KITLG: variants seen among roughly 807,000 people sequenced by gnomAD.
KITLG encodes KIT ligand.
In KITLG, 13 loss-of-function variants were observed where a neutral mutation model predicts 34.1. The observed-to-expected ratio is 0.38, with a 90% confidence interval of 0.25 to 0.61. The LOEUF (loss-of-function observed/expected upper bound fraction) is 0.61, where lower values mean the gene tolerates loss of function less well. KITLG is among the 20% of genes least tolerant of loss of function. The probability of loss-of-function intolerance (pLI) is 0.60; values close to 1 mark genes in which losing one functional copy is unlikely to be tolerated. For missense variants in KITLG, 292 were observed against 318.9 expected, an observed-to-expected ratio of 0.92 and a Z score of 0.64; for synonymous variants, 110 against 104.0, an observed-to-expected ratio of 1.06 and a Z score of -0.35.
chr12:88,574,795 T>C (rs1740934317), intron 1 of KITLG, among the ~76,000 whole-genome samples: 1 of 152,230 alleles, frequency 6.6e-6, no homozygotes, highest in South Asian at 2.1e-4. Flanking sequence ...TCTGGTTAGC[T>C]GACTTTATCT....
chr12:88,536,724 T>C (rs1468272000), intron 2 of KITLG, among the ~76,000 whole-genome samples: 1 of 152,066 alleles, frequency 6.6e-6, no homozygotes, highest in African/African-American at 2.4e-5. Context: ...CTCAGTAAAC[T>C]AACACAACAA....
rs1868639299 is a variant in KITLG, at chr12:88,496,294, T to TA, written c.*924dup. The TA allele has an allele frequency of 6.6e-6, 1 of 152,166 alleles. No individual in the cohort carries two copies. Among genetic ancestry groups the TA allele is most frequent in the Non-Finnish European group, 1.5e-5 (1 of 68,004 alleles). The allele number at this position is 152,166 out of a possible 1,614,324, so 9.4% of individuals were successfully genotyped here. On this transcript the variant is annotated 3_prime_UTR_variant, in exon 10 of 10. Coordinates refer to ENST00000644744, the MANE Select transcript of KITLG (RefSeq NM_000899.5). ...GGTGGAAATTGAAATGGGACCATCTTACATTCAGCATTTTCTCCTAAGTCC... is the reference window on the plus strand; with the variant it reads ...GGTGGAAATTGAAATGGGACCATCTTAACATTCAGCATTTTCTCCTAAGTCC...
At chr12:88,530,445 T>C (rs1870043603) in intron 3 of KITLG, among the ~76,000 whole-genome samples, 1 of 152,136 alleles carries the variant, frequency 6.6e-6, no homozygotes, top group South Asian at 2.1e-4. Context: ...AAAATTAATA[T>C]GTGAAATCAT....
chr12:88,561,530 T>C (rs1871297880), intron 1 of KITLG, among the ~76,000 whole-genome samples: 1 of 152,196 alleles, frequency 6.6e-6, no homozygotes, highest in Non-Finnish European at 1.5e-5. Context: ...ATTACAGGGA[T>C]CCTCTAAATA....
chr12:88,501,476 T>C (rs1868853480), intron 9 of KITLG, among the ~76,000 whole-genome samples: 1 of 152,212 alleles, frequency 6.6e-6, no homozygotes, highest in African/African-American at 2.4e-5. Flanking sequence ...AGATTTTCTC[T>C]CCAACCACAT....
At chr12:88,538,306 G>A (rs913033386) in intron 2 of KITLG, among the ~76,000 whole-genome samples, 1 of 151,890 alleles carries the variant, frequency 6.6e-6, no homozygotes, top group Non-Finnish European at 1.5e-5. Flanking sequence ...CAAATGGTAG[G>A]TAGTAAGGTA....
chr12:88,574,733 G>GA (rs984536005), intron 1 of KITLG, among the ~76,000 whole-genome samples: 23 of 151,840 alleles, frequency 1.5e-4, no homozygotes, highest in South Asian at 1.5e-3. Flanking sequence ...TAAAGGGACA[G>GA]AAAAAAAACA....
chr12:88,560,302 T>G (rs1278169917), intron 1 of KITLG, among the ~76,000 whole-genome samples: 4 of 152,264 alleles, frequency 2.6e-5, no homozygotes, highest in African/African-American at 4.8e-5. Context: ...GCTACAGTTA[T>G]AATTTTATCT....
At chr12:88,564,360 G>C (rs1012083855) in intron 1 of KITLG, 4 of 145,620 alleles carry the variant, frequency 2.7e-5, no homozygotes, top group Non-Finnish European at 4.6e-5. Context: ...GAATCAGAAG[G>C]GGATGGAAGA....
chr12:88,531,947 T>A (rs922209223), intron 3 of KITLG, among the ~76,000 whole-genome samples: 10 of 152,182 alleles, frequency 6.6e-5, no homozygotes, highest in Non-Finnish European at 1.0e-4. Context: ...TAATTTAGAA[T>A]TAATTTAGAA....
chr12:88,516,228 C>A (rs893316422), intron 5 of KITLG, 106 bp downstream of exon 5: 2 of 908,394 alleles, frequency 2.2e-6, no homozygotes, highest in Admixed American at 1.7e-5. Flanking sequence ...ATTAGACGTA[C>A]ATGCATGTAT....
chr12:88,506,545 T>A, intron 7 of KITLG, among the ~76,000 whole-genome samples, 167 bp from the exon 8 acceptor site: 1 of 152,314 alleles, frequency 6.6e-6, no homozygotes, highest in South Asian at 2.1e-4. Context: ...GAAAGCTGCA[T>A]GGTACTATCA....
At chr12:88,525,470 G>A (rs1240632711) in intron 3 of KITLG, among the ~76,000 whole-genome samples, 1 of 152,136 alleles carries the variant, frequency 6.6e-6, no homozygotes, top group Admixed American at 6.6e-5. Flanking sequence ...AAAGAATGGT[G>A]AGGAGATACA....
chr12:88,551,518 G>A (rs1870914008), intron 1 of KITLG, among the ~76,000 whole-genome samples: 1 of 152,196 alleles, frequency 6.6e-6, no homozygotes, highest in South Asian at 2.1e-4. Context: ...TTATGTAGTT[G>A]TAGCTTCCCT....
rs1868593458 is a variant in KITLG, at chr12:88,495,303, T to C, written c.*1916A>G. 1 of 152,064 alleles carries C rather than the reference T, an allele frequency of 6.6e-6. No homozygotes were observed. The highest frequency in any genetic ancestry group is 6.6e-5 in the Admixed American group (1 of 15,236). 9.4% of individuals were successfully genotyped at this position (152,064 alleles called of 1,614,324 possible). A position where few individuals can be genotyped will look rare whatever the true frequency, so the allele number is the denominator to read the frequency against. Reference sequence around the variant, plus strand: ...GAGAAGTATCTATCTTCTCAATCTATACACAACCTACACGCATAACTCATA... The same window carrying C: ...GAGAAGTATCTATCTTCTCAATCTACACACAACCTACACGCATAACTCATA... On this transcript the variant is annotated 3_prime_UTR_variant, in exon 10 of 10. Coordinates refer to ENST00000644744, the MANE Select transcript of KITLG (RefSeq NM_000899.5).
intron 1 of KITLG, among the ~76,000 whole-genome samples, chr12:88,576,774 C>T (rs984151074): frequency 2.6e-5 from 4 of 151,904 alleles, no homozygotes; most frequent in Non-Finnish European, 5.9e-5. Context: ...AAGCGAAGGC[C>T]ACATGTAGTG....
intron 3 of KITLG, 86 bp from the exon 4 acceptor site, chr12:88,518,953 T>A: frequency 8.2e-7 from 1 of 1,217,642 alleles, no homozygotes; most frequent in South Asian, 1.3e-5. Flanking sequence ...GCTATCGTTT[T>A]AGTTACTCAA....
chr12:88,545,663 C>A (rs920772470), intron 2 of KITLG, 89 bp downstream of exon 2: 8 of 742,638 alleles, frequency 1.1e-5, no homozygotes, highest in Non-Finnish European at 1.8e-5. Context: ...TACTTTGGGG[C>A]AAGAAAAATC....
chr12:88,550,758 T>A (rs1870885196), intron 1 of KITLG, among the ~76,000 whole-genome samples: 1 of 152,196 alleles, frequency 6.6e-6, no homozygotes, highest in East Asian at 1.9e-4. Context: ...AGAACTGTGA[T>A]GCGATAGCAG....
Sources: allele counts gnomAD v4.1 joint callset (sites outside exome capture counted in the v4.1 genomes callset), GRCh38; gene constraint gnomAD v4.1.1; transcripts MANE v1.5; gene names NCBI Gene and HGNC (gene_info 2026-07-23, HGNC 2026-07-21).